The following TNXB variants were observed in gnomAD, a reference collection of about 807,000 sequenced individuals.
TNXB encodes tenascin-X.
In TNXB, 183 loss-of-function variants were observed where a neutral mutation model predicts 340.5. The ratio of observed to expected loss-of-function variants is 0.54; its 90% confidence interval spans 0.48 to 0.61. TNXB has a LOEUF of 0.61. Among genes scored for constraint, TNXB ranks in the 20% least tolerant of loss-of-function variants. The probability of loss-of-function intolerance (pLI) is 0.00; values close to 1 mark genes in which losing one functional copy is unlikely to be tolerated. For missense variants in TNXB, 4,613 were observed against 5,446.4 expected (o/e 0.85, Z 4.82); for synonymous variants, 2,121 against 2,314.5 (o/e 0.92, Z 2.40).
Position 32,048,027 on chromosome 6 carries a change from G to A in TNXB, c.10046-15C>T. The A allele has an allele frequency of 6.3e-7, 1 of 1,595,984 alleles. No homozygotes were observed. The highest frequency in any genetic ancestry group is 1.3e-5 in the African/African-American group (1 of 74,766). ...GGTGTCTGGGGCTGGAAAAGACAGT[G>A]AGGTGCATGGAGAGTGGGATGGAGG... On this transcript the variant is annotated splice_polypyrimidine_tract_variant and intron_variant, in intron 29 of 43. Transcript: ENST00000644971.
rs557821162 is a variant in TNXB, at chr6:32,069,424, G to A, written c.5587+129C>T. 4.3e-6 allele frequency: 5 copies of A among 1,169,038 alleles called. No individual in the cohort carries two copies. The highest frequency in any genetic ancestry group is 2.6e-5 in the East Asian group (1 of 38,864). The allele number at this position is 1,169,038 out of a possible 1,614,324, so 72.4% of individuals were successfully genotyped here. On this transcript the variant is annotated intron_variant, in intron 15 of 43. Coordinates refer to ENST00000644971, the MANE Select transcript of TNXB (RefSeq NM_001365276.2). This position sits in a 1 kb window ranked among gnomAD's most constrained non-coding sequence, Gnocchi z 6.2. Reference sequence around the variant, plus strand: ...GGGACTGGGGCAACTGACTCTAAAGGGGCACAAGGAAACTTTCTGGATCAA... The same window carrying A: ...GGGACTGGGGCAACTGACTCTAAAGAGGCACAAGGAAACTTTCTGGATCAA...
In TNXB at chr6:32,097,657, A is replaced by T; in HGVS notation, c.403+139T>A. 8.6e-7 allele frequency: 1 copy of T among 1,167,148 alleles called. No individual in the cohort carries two copies. Among genetic ancestry groups the T allele is most frequent in the Non-Finnish European group, 1.2e-6 (1 of 855,166 alleles). The allele number at this position is 1,167,148 out of a possible 1,614,324, so 72.3% of individuals were successfully genotyped here. A position where few individuals can be genotyped will look rare whatever the true frequency, so the allele number is the denominator to read the frequency against. On this transcript the variant is annotated intron_variant, in intron 2 of 43. Coordinates refer to ENST00000644971, the MANE Select transcript of TNXB (RefSeq NM_001365276.2). The surrounding 1 kb of genome is among the most constrained non-coding windows in gnomAD (Gnocchi z 5.9). ...GACATGTAGCCCAGCTCTGCTCTCC[A>T]AGTTGTGTTCTGGGCTGCATCCACA...
Position 32,089,147 on chromosome 6 carries a change from C to A in TNXB, c.2515+76G>T. On this transcript the variant is annotated intron_variant, in intron 5 of 43. Coordinates refer to ENST00000644971, the MANE Select transcript of TNXB (RefSeq NM_001365276.2). The surrounding 1 kb of genome is among the most constrained non-coding windows in gnomAD (Gnocchi z 6.2). ...GCCCCCATCCAGCCCCTTCCTTCTG[C>A]CCTCCCGGAGGGCAGATTCCCTCTC... The A allele has an allele frequency of 6.4e-7, 1 of 1,567,516 alleles. No individual in the cohort carries two copies. Among genetic ancestry groups the A allele is most frequent in the Non-Finnish European group, 8.7e-7 (1 of 1,155,552 alleles).
Position 32,043,863 on chromosome 6 carries a change from G to C in TNXB, c.11416C>G (p.Gln3806Glu). 2 of 1,613,770 alleles carry C rather than the reference G, an allele frequency of 1.2e-6. No individual in the cohort carries two copies. Among genetic ancestry groups the C allele is most frequent in the Non-Finnish European group, 1.7e-6 (2 of 1,179,996 alleles). ...CCCTGGAGTTTCTGGGTCCGGGCCT[G>C]GCCATCCACCTGCACACTCTGAGGC... ...GEPQSVQVDGQARTQKLQGLI... is the reference protein window; with the variant it reads ...GEPQSVQVDGEARTQKLQGLI... Residue 3806 changes from glutamine (Q) to glutamate (E), a missense_variant, in exon 35 of 44, where the codon CAG becomes GAG. By Grantham distance (29) the Gln-to-Glu change is conservative. Around this residue, in one of 7 missense-constraint regions of TNXB, gnomAD observed 114 missense variants for 104.5 expected, o/e 1.09. Coordinates refer to ENST00000644971, the MANE Select transcript of TNXB (RefSeq NM_001365276.2).
chr6:32,064,899 C>G lies in TNXB; in HGVS notation c.6763G>C (p.Asp2255His). 2 of 1,612,774 alleles carry G rather than the reference C, an allele frequency of 1.2e-6. No homozygotes were observed. The highest frequency in any genetic ancestry group is 1.7e-6 in the Non-Finnish European group (2 of 1,179,868). Reference sequence around the variant, plus strand: ...TACAGGTTCATCTTGTACTTGTGGTCTGGCTCCAGGCCCGAGATGGTGACC... The same window carrying G: ...TACAGGTTCATCTTGTACTTGTGGTGTGGCTCCAGGCCCGAGATGGTGACC... ...DGVTISGLEP[D>H]HKYKMNLYGF... Residue 2255 changes from aspartate (D) to histidine (H), a missense_variant, in exon 19 of 44, where the codon GAC (aspartate) becomes CAC (histidine). Physicochemically the swap from Asp to His is moderately conservative, Grantham distance 81. Coordinates refer to ENST00000644971, the MANE Select transcript of TNXB (RefSeq NM_001365276.2). This position sits in a 1 kb window ranked among gnomAD's most constrained non-coding sequence, Gnocchi z 5.3.
chr6:32,054,614 G>T (rs1478070876), intron 24 of TNXB, among the ~76,000 whole-genome samples: 3 of 152,192 alleles, frequency 2.0e-5, no homozygotes, highest in Non-Finnish European at 4.4e-5. Flanking sequence ...GTACTTGTGG[G>T]CAGAGTGACT....
rs1424686314 is a variant in TNXB, at chr6:32,096,866, G to A, written c.987C>T (p.Asp329=). ...GRCKDGRCVC[D]PGYTGEDCGT... is the part of the protein sequence containing the mutation. ...CACAGTCCTCGCCAGTGTAGCCGGG[G>A]TCACACACGCAGCGCCCGTCCTTGC... The change falls in exon 3 of 44, where the codon GAC becomes GAT. Residue 329 remains aspartate (D), a synonymous_variant. Coordinates refer to ENST00000644971, the MANE Select transcript of TNXB (RefSeq NM_001365276.2). 6.2e-7 allele frequency: 1 copy of A among 1,604,560 alleles called. No homozygotes were observed. The highest frequency in any genetic ancestry group is 8.5e-7 in the Non-Finnish European group (1 of 1,176,528).
At chr6:32,055,670 T>C (rs1777578915) in intron 24 of TNXB, among the ~76,000 whole-genome samples, 181 bp downstream of exon 24, 1 of 152,244 alleles carries the variant, frequency 6.6e-6, no homozygotes, top group African/African-American at 2.4e-5. Flanking sequence ...CATTTCTTGT[T>C]GGAAATGCAG....
rs2151920811 is a variant in TNXB, at chr6:32,073,583, A to G, written c.4681+64T>C. The G allele has an allele frequency of 6.8e-7, 1 of 1,466,770 alleles. No individual in the cohort carries two copies. 90.9% of individuals were successfully genotyped at this position (1,466,770 alleles called of 1,614,324 possible). ...GTGGTACCAAGGCAGGGCTGGAAGA[A>G]GGGCCATGGGGTGGGGGAGCTCTGG... On this transcript the variant is annotated intron_variant, in intron 12 of 43. Transcript: ENST00000644971. The surrounding 1 kb of genome is among the most constrained non-coding windows in gnomAD (Gnocchi z 4.6).
Position 32,055,932 on chromosome 6 carries a change from G to T in TNXB, c.8386C>A (p.Pro2796Thr). The T allele has an allele frequency of 6.2e-7, 1 of 1,613,502 alleles. No homozygotes were observed. Among genetic ancestry groups the T allele is most frequent in the Non-Finnish European group, 8.5e-7 (1 of 1,179,874 alleles). Residue 2796 changes from proline (P) to threonine (T), a missense_variant, in exon 24 of 44, where the codon CCC (proline) becomes ACC (threonine). Coordinates refer to ENST00000644971, the MANE Select transcript of TNXB (RefSeq NM_001365276.2). ...AGGTGCATCTTGTATTTGCGCCCGG[G>T]CTCCAGGCCCCCCACGGTGACCTCG... The part of the protein sequence containing the change: ...ESEVTVGGLE[P>T]GRKYKMHLYG...
In TNXB at chr6:32,096,204, G is replaced by A; in HGVS notation, c.1649C>T (p.Ser550Leu). The part of the protein sequence containing the change: ...DGVCVCDAGY[S>L]GEDCSTRSCP... Reference sequence around the variant, plus strand: ...GCTGCGCGTGCTGCAGTCTTCCCCTGAGTAGCCTGCGTCACACACGCACAC... The same window carrying A: ...GCTGCGCGTGCTGCAGTCTTCCCCTAAGTAGCCTGCGTCACACACGCACAC... The change falls in exon 3 of 44, where the codon TCA (serine) becomes TTA (leucine). Residue 550 changes from serine to leucine, a missense_variant. This residue lies in a region of TNXB where 4,327 missense variants were observed against 4,859.4 expected (regional missense o/e 0.89). Coordinates refer to ENST00000644971, the MANE Select transcript of TNXB (RefSeq NM_001365276.2). The A allele has an allele frequency of 6.4e-7, 1 of 1,567,894 alleles. No homozygotes were observed. The highest frequency in any genetic ancestry group is 8.6e-7 in the Non-Finnish European group (1 of 1,159,672).
At position 32,073,355 on chromosome 6, in the gene TNXB, G is replaced by T. The variant is rs56106921; in HGVS notation, c.4681+292C>A. Among the ~76,000 whole-genome samples the T allele has an allele frequency of 1.9e-3, 290 of 152,314 alleles. No homozygotes were observed. The highest frequency in any genetic ancestry group is 3.1e-3 in the Non-Finnish European group (208 of 68,032). ...GGAAACAGCTGTGGGCAGTCGGAGA[G>T]GGGGAGAGAAAGTCTGTGGCTGGAT... On this transcript the variant is annotated intron_variant, in intron 12 of 43. Coordinates refer to ENST00000644971, the MANE Select transcript of TNXB (RefSeq NM_001365276.2). This position sits in a 1 kb window ranked among gnomAD's most constrained non-coding sequence, Gnocchi z 4.6.
In TNXB at chr6:32,072,767, T is replaced by G. The variant is rs1467524229; in HGVS notation, c.4682-469A>C. Among the ~76,000 whole-genome samples the G allele has an allele frequency of 2.0e-5, 3 of 152,208 alleles. No individual in the cohort carries two copies. Among genetic ancestry groups the G allele is most frequent in the Non-Finnish European group, 2.9e-5 (2 of 68,040 alleles). On this transcript the variant is annotated intron_variant, in intron 12 of 43. Coordinates refer to ENST00000644971, the MANE Select transcript of TNXB (RefSeq NM_001365276.2). This position sits in a 1 kb window ranked among gnomAD's most constrained non-coding sequence, Gnocchi z 4.4. Reference sequence around the variant, plus strand: ...GAGTTTGAGGCCAGCCTGGCCAACATGGCGAAACCCTGTTTCTACTAAAAA... The same window carrying G: ...GAGTTTGAGGCCAGCCTGGCCAACAGGGCGAAACCCTGTTTCTACTAAAAA...
rs1779691823 is a variant in TNXB, at chr6:32,085,009, C to T, written c.3149-300G>A. Among the ~76,000 whole-genome samples the T allele has an allele frequency of 6.6e-6, 1 of 152,144 alleles. No homozygotes were observed. The highest frequency in any genetic ancestry group is 1.5e-5 in the Non-Finnish European group (1 of 68,028). ...TGAATGAGAGTTTCAAGCCTCCCTG[C>T]TGCAGCATCAGAGCAGTCTGAAAGC... On this transcript the variant is annotated intron_variant, in intron 7 of 43. Transcript: ENST00000644971. The surrounding 1 kb of genome is among the most constrained non-coding windows in gnomAD (Gnocchi z 6.4).
chr6:32,053,617 A>G lies in TNXB; in HGVS notation c.8562T>C (p.Asp2854=). 6.2e-7 allele frequency: 1 copy of G among 1,613,500 alleles called. No homozygotes were observed. The highest frequency in any genetic ancestry group is 8.5e-7 in the Non-Finnish European group (1 of 1,179,822). The stretch of plus-strand genomic sequence containing the variant: ...ACAGGCTGAGGGAGTCAGGGGTGGC[A>G]TCTGTCACGGTCAGCTCCCCGAGGC... ...KPRLGELTVT[D]ATPDSLSLSW... The change falls in exon 25 of 44, where the codon GAT becomes GAC. Residue 2854 remains aspartate, a synonymous_variant. Transcript: ENST00000644971.
In TNXB at chr6:32,053,323, C is replaced by T. The variant is rs546196471; in HGVS notation, c.8791+65G>A. ...CAGAGGGGCTTCCTGGGCCAGTTCA[C>T]CCATCACCAGAGAAAGGGAGACCCT... is the stretch of plus-strand genomic sequence containing the variant. On this transcript the variant is annotated intron_variant, in intron 25 of 43. Transcript: ENST00000644971. 3.9e-5 allele frequency: 61 copies of T among 1,562,896 alleles called. 2 individuals are homozygous for T. In the East Asian group the frequency reaches 1.4e-3, roughly 35 times the overall value.
At chr6:32,076,564 T>C (rs1779092211) in intron 11 of TNXB, among the ~76,000 whole-genome samples, 2 of 152,226 alleles carry the variant, frequency 1.3e-5, no homozygotes, top group African/African-American at 4.8e-5. Flanking sequence ...AAAAGATGAA[T>C]GAGCTGAGAA....
intron 1 of TNXB, among the ~76,000 whole-genome samples, chr6:32,098,453 GT>G (rs199972163): frequency 1.3e-5 from 2 of 149,218 alleles, no homozygotes; most frequent in African/African-American, 4.9e-5. Flanking sequence ...CCCTACACTG[GT>G]TTTTTTGTTT....
At position 32,084,521 on chromosome 6, in the gene TNXB, G is replaced by T; in HGVS notation, c.3337C>A (p.Arg1113Ser). The change falls in exon 8 of 44, where the codon CGC becomes AGC. Residue 1113 changes from arginine to serine, a missense_variant. Transcript: ENST00000644971. The surrounding 1 kb of genome is among the most constrained non-coding windows in gnomAD (Gnocchi z 5.5). ...TCCAGGGAGGTGATGACGGCCGAGC[G>T]CTGGGGTCCTTCCACGGGCACCACC... ...PQVVPVEGPQRSAVITSLDPG... is the reference protein window; with the variant it reads ...PQVVPVEGPQSSAVITSLDPG... The T allele has an allele frequency of 6.2e-7, 1 of 1,609,196 alleles. No individual in the cohort carries two copies. Among genetic ancestry groups the T allele is most frequent in the Middle Eastern group, 1.7e-4 (1 of 6,056 alleles).
Sources: allele counts gnomAD v4.1 joint callset (sites outside exome capture counted in the v4.1 genomes callset), GRCh38; gene constraint gnomAD v4.1.1; regional missense constraint gnomAD v4.1.1; non-coding constraint Gnocchi (gnomAD v3.1); transcripts MANE v1.5; gene names NCBI Gene and HGNC (gene_info 2026-07-23, HGNC 2026-07-21).